The following ABHD2 variants were observed in gnomAD, a reference collection of about 807,000 sequenced individuals.
The protein encoded by ABHD2 is abhydrolase domain containing 2, acylglycerol lipase.
ABHD2 carries 20 observed loss-of-function variants against 48.1 expected under a neutral mutation model. That is an observed-to-expected ratio of 0.42 (90% CI 0.29 to 0.60). ABHD2 has a LOEUF of 0.60. ABHD2 is among the 20% of genes least tolerant of loss of function. The probability of loss-of-function intolerance (pLI) is 0.24; values close to 1 mark genes in which losing one functional copy is unlikely to be tolerated. For missense variants in ABHD2, 405 were observed against 550.9 expected (o/e 0.74, Z 2.65); for synonymous variants, 209 against 214.2 (o/e 0.98, Z 0.21).
intron 1 of ABHD2, among the ~76,000 whole-genome samples, chr15:89,103,279 T>A (rs1028785173): frequency 6.6e-6 from 1 of 152,246 alleles, no homozygotes; most frequent in Non-Finnish European, 1.5e-5. Flanking sequence ...AGCTTTCTGC[T>A]AAAGAGCTGA....
chr15:89,077,933 C>T, the ABHD2 span, among the ~76,000 whole-genome samples: 1 of 152,230 alleles, frequency 6.6e-6, no homozygotes, highest in African/African-American at 2.4e-5. Flanking sequence ...GTCTACAAAA[C>T]TCAGCCTCTC....
rs1267300944 is a variant in ABHD2, at chr15:89,151,647, G to A, written c.195-30G>A. 6.3e-7 allele frequency: 1 copy of A among 1,582,288 alleles called. No individual in the cohort carries two copies. The highest frequency in any genetic ancestry group is 8.6e-7 in the Non-Finnish European group (1 of 1,162,114). On this transcript the variant is annotated intron_variant, in intron 3 of 10. Coordinates refer to ENST00000352732, the MANE Select transcript of ABHD2 (RefSeq NM_152924.5). This position sits in a 1 kb window ranked among gnomAD's most constrained non-coding sequence, Gnocchi z 4.7. Reference sequence around the variant, plus strand: ...CAGAACGTTGCTCAAGGAATGTAGAGAAAATTGACCTCCCTTGTCCTTTCT... The same window carrying A: ...CAGAACGTTGCTCAAGGAATGTAGAAAAAATTGACCTCCCTTGTCCTTTCT...
Position 89,088,583 on chromosome 15 carries a change from AG to A in ABHD2, c.-107+21del, listed in dbSNP as rs1901457556. 2 of 152,296 alleles carry A rather than the reference AG, an allele frequency of 1.3e-5. No homozygotes were observed. The highest frequency in any genetic ancestry group is 1.3e-4 in the Admixed American group (2 of 15,290). The allele number at this position is 152,296 out of a possible 1,614,324, so 9.4% of individuals were successfully genotyped here. A position where few individuals can be genotyped will look rare whatever the true frequency, so the allele number is the denominator to read the frequency against. On this transcript the variant is annotated intron_variant, in intron 1 of 10. Transcript: ENST00000352732. This position sits in a 1 kb window ranked among gnomAD's most constrained non-coding sequence, Gnocchi z 6.8. ...ACGCAGGTAAAGCCACGGCCGAGCG[AG>A]CTCCGCGGAGCGGGGATCGCACCCC...
At chr15:89,060,314 C>T in the ABHD2 span, among the ~76,000 whole-genome samples, 2 of 151,818 alleles carry the variant, frequency 1.3e-5, no homozygotes, top group Middle Eastern at 3.2e-3. Flanking sequence ...TGCTCGTGAA[C>T]TCCTGATCTC....
the ABHD2 span, among the ~76,000 whole-genome samples, chr15:89,081,923 A>C: frequency 2.0e-5 from 3 of 152,232 alleles, no homozygotes; most frequent in Non-Finnish European, 4.4e-5. Context: ...AATAACTATA[A>C]TCACACTTTA....
At chr15:89,131,231 C>A (rs1567081846) in intron 3 of ABHD2, among the ~76,000 whole-genome samples, 1 of 152,224 alleles carries the variant, frequency 6.6e-6, no homozygotes, top group South Asian at 2.1e-4. Context: ...CCCTATATTC[C>A]TTGTGTTCTA....
In ABHD2 at chr15:89,120,140, C is replaced by G. The variant is rs1407808777; in HGVS notation, c.194+3619C>G. ...CTCGAGGAGCAGGGATTACTGTTTTCCCCCTCAGCATTAAAGTCAATTTGA... is the reference window on the plus strand; with the variant it reads ...CTCGAGGAGCAGGGATTACTGTTTTGCCCCTCAGCATTAAAGTCAATTTGA... On this transcript the variant is annotated intron_variant, in intron 3 of 10. Coordinates refer to ENST00000352732, the MANE Select transcript of ABHD2 (RefSeq NM_152924.5). The surrounding 1 kb of genome is among the most constrained non-coding windows in gnomAD (Gnocchi z 4.2). 6.6e-6 allele frequency among the ~76,000 whole-genome samples: 1 copy of G among 152,156 alleles called. No individual in the cohort carries two copies. The highest frequency in any genetic ancestry group is 1.9e-4 in the East Asian group (1 of 5,206).
the ABHD2 span, among the ~76,000 whole-genome samples, chr15:89,071,131 G>A: frequency 6.6e-6 from 1 of 151,896 alleles, no homozygotes; most frequent in Admixed American, 6.6e-5. Flanking sequence ...ATAAGACATG[G>A]GGTTTTGGCC....
chr15:89,179,951 GTC>G lies in ABHD2; in HGVS notation c.722+3962_722+3963del, dbSNP rs1300523094. ...TTTCCTGCCAAATGGTGGGGATATT[GTC>G]TCTCTTGCTTTTGATGGGCAAACTT... On this transcript the variant is annotated intron_variant, in intron 6 of 10. Coordinates refer to ENST00000352732, the MANE Select transcript of ABHD2 (RefSeq NM_152924.5). The surrounding 1 kb of genome is among the most constrained non-coding windows in gnomAD (Gnocchi z 4.3). Among the ~76,000 whole-genome samples the G allele has an allele frequency of 6.6e-6, 1 of 152,212 alleles. No individual in the cohort carries two copies. Among genetic ancestry groups the G allele is most frequent in the Non-Finnish European group, 1.5e-5 (1 of 68,032 alleles).
chr15:89,090,396 T>A (rs998234548), intron 1 of ABHD2: 1 of 152,216 alleles, frequency 6.6e-6, no homozygotes, highest in Non-Finnish European at 1.5e-5. Flanking sequence ...ATTTGCTAGA[T>A]ATGATATTCT....
intron 1 of ABHD2, among the ~76,000 whole-genome samples, chr15:89,111,275 T>G (rs1466123529): frequency 6.6e-6 from 1 of 152,204 alleles, no homozygotes. Context: ...AAAAAAGAAG[T>G]CGCCAATACT....
At position 89,146,834 on chromosome 15, in the gene ABHD2, T is replaced by G. The variant is rs1341791524; in HGVS notation, c.195-4843T>G. Among the ~76,000 whole-genome samples the G allele has an allele frequency of 6.6e-6, 1 of 152,206 alleles. No individual in the cohort carries two copies. The highest frequency in any genetic ancestry group is 2.4e-5 in the African/African-American group (1 of 41,456). On this transcript the variant is annotated intron_variant, in intron 3 of 10. Transcript: ENST00000352732. The surrounding 1 kb of genome is among the most constrained non-coding windows in gnomAD (Gnocchi z 4.2). ...CATGTTTTTGGATGGGACACATCAG[T>G]ATTGTAAAGGTGTCAATTATCTCCT...
intron 1 of ABHD2, among the ~76,000 whole-genome samples, chr15:89,112,355 C>G (rs774365065): frequency 7.2e-5 from 11 of 152,218 alleles, no homozygotes; most frequent in Admixed American, 3.3e-4. Flanking sequence ...CTGAATGCAA[C>G]ACTGCCTGCC....
upstream of ABHD2, among the ~76,000 whole-genome samples, chr15:89,084,182 G>A (rs912889458): frequency 1.9e-4 from 27 of 144,140 alleles, no homozygotes; most frequent in Non-Finnish European, 3.0e-4. The surrounding 1 kb of genome is among the most constrained non-coding windows in gnomAD (Gnocchi z 4.4). Flanking sequence ...AAAGTTTCTC[G>A]CACCAGGTGG....
rs1239395911 is a variant in ABHD2 at position 89,195,265 on chromosome 15, G to A, written c.1120G>A (p.Gly374Arg). 6.2e-7 allele frequency: 1 copy of A among 1,614,146 alleles called. No homozygotes were observed. Among genetic ancestry groups the A allele is most frequent in the Non-Finnish European group, 8.5e-7 (1 of 1,179,992 alleles). ...CGTCATGTTTGTGCTGCCTCTGCAT[G>A]GGGGCCACTTGGGCTTCTTTGAGGG... ...ENVMFVLPLH[G>R]GHLGFFEGSV... is the part of the protein sequence containing the mutation. Residue 374 changes from glycine to arginine, a missense_variant, in exon 11 of 11, where the codon GGG becomes AGG. Gly to Arg is a moderately radical substitution (Grantham distance 125). Coordinates refer to ENST00000352732, the MANE Select transcript of ABHD2 (RefSeq NM_152924.5). This position sits in a 1 kb window ranked among gnomAD's most constrained non-coding sequence, Gnocchi z 5.1.
At chr15:89,125,475 G>A (rs987190684) in intron 3 of ABHD2, among the ~76,000 whole-genome samples, 3 of 152,178 alleles carry the variant, frequency 2.0e-5, no homozygotes, top group African/African-American at 7.2e-5. Context: ...GCCTCAATAA[G>A]TCAAACTTTT....
Position 89,124,032 on chromosome 15 carries a change from C to T in ABHD2, c.194+7511C>T, listed in dbSNP as rs543143933. 2.6e-5 allele frequency among the ~76,000 whole-genome samples: 4 copies of T among 152,236 alleles called. No homozygotes were observed. The South Asian group carries it at 6.2e-4, about 24-fold the overall frequency. ...TAAATATCCATTTTTCTTTTATCTG[C>T]CCCAAATAAGAGCTCAGTTCTGTGT... On this transcript the variant is annotated intron_variant, in intron 3 of 10. Transcript: ENST00000352732.
At position 89,195,695 on chromosome 15, in the gene ABHD2, G is replaced by A. The variant is rs1462094901; in HGVS notation, c.*272G>A. ...GCCCTCTGTCCAGTTTCAGCATCTG[G>A]TTGCTTTTAAGCCAAGTACATCTAG... is the stretch of plus-strand genomic sequence containing the variant. On this transcript the variant is annotated 3_prime_UTR_variant, in exon 11 of 11. Coordinates refer to ENST00000352732, the MANE Select transcript of ABHD2 (RefSeq NM_152924.5). This position sits in a 1 kb window ranked among gnomAD's most constrained non-coding sequence, Gnocchi z 5.1. 2.0e-5 allele frequency: 8 copies of A among 398,686 alleles called. No individual in the cohort carries two copies. In the Admixed American group the frequency reaches 2.1e-4, roughly 11 times the overall value. The allele number at this position is 398,686 out of a possible 1,614,324, so 24.7% of individuals were successfully genotyped here.
At chr15:89,050,624 G>A in the ABHD2 span, among the ~76,000 whole-genome samples, 1 of 152,312 alleles carries the variant, frequency 6.6e-6, no homozygotes, top group South Asian at 2.1e-4. Context: ...GAGCAAGGGA[G>A]CCCACAAACT....
Sources: gnomAD v4.1 joint callset for allele counts (sites outside exome capture counted in the v4.1 genomes callset) on GRCh38, gnomAD v4.1.1 for gene constraint, Gnocchi (gnomAD v3.1) non-coding constraint, MANE v1.5 for transcripts, NCBI Gene and HGNC (gene_info 2026-07-23, HGNC 2026-07-21) for gene names.